SLIT3: variants seen among roughly 807,000 people sequenced by gnomAD.
The protein encoded by SLIT3 is slit guidance ligand 3.
In SLIT3, 68 loss-of-function variants were observed where a neutral mutation model predicts 184.0. The observed-to-expected ratio is 0.37, with a 90% CI of 0.30 to 0.45. The LOEUF (loss-of-function observed/expected upper bound fraction) is 0.45. Among genes scored for constraint, SLIT3 ranks in the 20% least tolerant of loss-of-function variants. SLIT3 has a pLI of 1.00. For missense variants in SLIT3, 1,707 were observed against 2,026.0 expected (o/e 0.84, Z 3.02); for synonymous variants, 831 against 828.6 (o/e 1.00, Z -0.05).
chr5:168,757,444 GTTT>G (rs1247031597), intron 16 of SLIT3, among the ~76,000 whole-genome samples: 1 of 152,036 alleles, frequency 6.6e-6, no homozygotes, highest in African/African-American at 2.4e-5. Flanking sequence ...TATTGTTTTT[GTTT>G]TTTTGAGACG....
At chr5:168,760,202 C>T (rs1045538277) in intron 16 of SLIT3, among the ~76,000 whole-genome samples, 1 of 152,230 alleles carries the variant, frequency 6.6e-6, no homozygotes, top group South Asian at 2.1e-4. Flanking sequence ...GAGCATGGTC[C>T]TTAGCTCAGG....
rs969277563 is a variant in SLIT3, at chr5:168,663,806, A to G, written c.*2648T>C. 6.6e-6 allele frequency: 1 copy of G among 152,222 alleles called. No homozygotes were observed. Among genetic ancestry groups the G allele is most frequent in the Non-Finnish European group, 1.5e-5 (1 of 68,058 alleles). The allele number at this position is 152,222 out of a possible 1,614,324, so 9.4% of individuals were successfully genotyped here. ...TCCTATTCATCCTTAAAGACCTAGG[A>G]CTAGAAGTTCCCTCCTCTGGACAGC... On this transcript the variant is annotated 3_prime_UTR_variant, in exon 36 of 36. Coordinates refer to ENST00000519560, the MANE Select transcript of SLIT3 (RefSeq NM_003062.4).
intron 26 of SLIT3, among the ~76,000 whole-genome samples, chr5:168,704,807 C>T (rs1326129204): frequency 1.3e-5 from 2 of 152,140 alleles, no homozygotes; most frequent in Admixed American, 1.3e-4. Flanking sequence ...GAGGTAAATG[C>T]CTGAACTTTG....
intron 8 of SLIT3, among the ~76,000 whole-genome samples, chr5:168,812,553 G>C (rs2113645970): frequency 6.6e-6 from 1 of 152,258 alleles, no homozygotes; most frequent in South Asian, 2.1e-4. Flanking sequence ...AACCTCACTT[G>C]GTAAAAGTGC....
chr5:168,953,071 G>A (rs563649871), intron 4 of SLIT3, among the ~76,000 whole-genome samples: 1 of 152,310 alleles, frequency 6.6e-6, no homozygotes, highest in Admixed American at 6.5e-5. Flanking sequence ...GATATCAAGG[G>A]TGGAGGATTC....
chr5:168,730,834 A>G (rs966742127), intron 20 of SLIT3, among the ~76,000 whole-genome samples: 3 of 152,020 alleles, frequency 2.0e-5, no homozygotes, highest in East Asian at 1.9e-4. Flanking sequence ...AAGAAGAACA[A>G]AACAACCCCA....
At chr5:169,170,597 G>A (rs918962983) in intron 4 of SLIT3, among the ~76,000 whole-genome samples, 3 of 152,136 alleles carry the variant, frequency 2.0e-5, no homozygotes, top group Non-Finnish European at 2.9e-5. Context: ...CCCTCTAAAC[G>A]GGCTCTGCAG....
chr5:169,299,223 C>T (rs1332968488), intron 1 of SLIT3, among the ~76,000 whole-genome samples: 1 of 151,810 alleles, frequency 6.6e-6, no homozygotes, highest in East Asian at 1.9e-4. Context: ...TGTGGAAAAA[C>T]AAAAAAGTAC....
chr5:168,709,085 G>C (rs1385243086), intron 25 of SLIT3, among the ~76,000 whole-genome samples: 2 of 149,208 alleles, frequency 1.3e-5, no homozygotes, highest in Non-Finnish European at 3.0e-5. Flanking sequence ...ACCAGCTACA[G>C]TGTTGTTTTC....
At chr5:168,760,114 C>A (rs1248468732) in intron 16 of SLIT3, among the ~76,000 whole-genome samples, 4 of 152,190 alleles carry the variant, frequency 2.6e-5, no homozygotes, top group Non-Finnish European at 5.9e-5. Context: ...CTGGCTTCCT[C>A]ACCTGCACAA....
At chr5:168,692,785 C>A in intron 28 of SLIT3, 85 bp from the exon 29 acceptor site, 1 of 970,398 alleles carries the variant, frequency 1.0e-6, no homozygotes, top group South Asian at 1.4e-5. Context: ...GGGGGATATC[C>A]TGGCCAGAAG....
chr5:169,143,618 G>A (rs1278621284), intron 4 of SLIT3, among the ~76,000 whole-genome samples: 2 of 152,200 alleles, frequency 1.3e-5, no homozygotes, highest in Non-Finnish European at 2.9e-5. Flanking sequence ...AGCCAACATG[G>A]CGAAAACCCG....
chr5:168,853,053 C>G (rs1165771016), intron 5 of SLIT3, among the ~76,000 whole-genome samples: 2 of 152,224 alleles, frequency 1.3e-5, no homozygotes, highest in Non-Finnish European at 2.9e-5. Flanking sequence ...GTTCATCTAA[C>G]TTAGACCCTT....
intron 8 of SLIT3, among the ~76,000 whole-genome samples, chr5:168,811,352 T>G (rs1757151510): frequency 6.6e-6 from 1 of 152,208 alleles, no homozygotes; most frequent in South Asian, 2.1e-4. Flanking sequence ...TTTTCCCCCT[T>G]AGCATGAGAT....
chr5:168,711,619 A>G (rs1762564045), intron 24 of SLIT3, among the ~76,000 whole-genome samples: 1 of 152,192 alleles, frequency 6.6e-6, no homozygotes, highest in Non-Finnish European at 1.5e-5. Context: ...GTATGCACAC[A>G]TTATGAAAAT....
At chr5:169,115,390 G>A (rs558181922) in intron 4 of SLIT3, among the ~76,000 whole-genome samples, 2 of 152,248 alleles carry the variant, frequency 1.3e-5, no homozygotes, top group Admixed American at 6.5e-5. Flanking sequence ...GAGTTCCATG[G>A]TTTTCTCATT....
chr5:169,073,417 T>A (rs1414116462), intron 4 of SLIT3, among the ~76,000 whole-genome samples: 1 of 151,962 alleles, frequency 6.6e-6, no homozygotes, highest in Non-Finnish European at 1.5e-5. Flanking sequence ...TTCTCATCTT[T>A]GGTACTGCAC....
intron 27 of SLIT3, among the ~76,000 whole-genome samples, chr5:168,697,177 GCCCCTCC>G (rs1762087871): frequency 6.6e-6 from 1 of 152,210 alleles, no homozygotes; most frequent in African/African-American, 2.4e-5. Context: ...CTACTTCTGA[GCCCCTCC>G]AGCTTCTGGG....
chr5:168,759,832 G>T (rs1022446936), intron 16 of SLIT3, among the ~76,000 whole-genome samples: 2 of 152,148 alleles, frequency 1.3e-5, no homozygotes, highest in Non-Finnish European at 2.9e-5. Context: ...TTACTTCCCT[G>T]GTCTTCGAGG....
Sources: gnomAD v4.1 joint callset for allele counts (sites outside exome capture counted in the v4.1 genomes callset) on GRCh38, gnomAD v4.1.1 for gene constraint, MANE v1.5 for transcripts, NCBI Gene and HGNC (gene_info 2026-07-23, HGNC 2026-07-21) for gene names.